RSPRY1: variants seen among roughly 807,000 people sequenced by gnomAD.
The protein encoded by RSPRY1 is ring finger and SPRY domain containing 1, also known as RING finger and SPRY domain-containing protein 1.
Under a neutral mutation model 73.1 loss-of-function variants are expected in RSPRY1, and 23 were observed. The observed-to-expected ratio is 0.31, with a 90% confidence interval of 0.23 to 0.45. The LOEUF is 0.45. Ranked by LOEUF, RSPRY1 falls within the 20% of genes least tolerant of loss-of-function variation. RSPRY1 has a pLI of 1.00. For synonymous variants in RSPRY1, 226 were observed against 251.4 expected (o/e 0.90, Z 0.95); for missense variants, 448 against 698.7 (o/e 0.64, Z 4.05).
chr16:57,202,266 C>A (rs889660421), intron 1 of RSPRY1, among the ~76,000 whole-genome samples: 1 of 152,074 alleles, frequency 6.6e-6, no homozygotes, highest in African/African-American at 2.4e-5. Flanking sequence ...TCTTAGAACT[C>A]CCAAGATGGT....
intron 14 of RSPRY1, among the ~76,000 whole-genome samples, chr16:57,236,469 A>G (rs2075301164): frequency 6.6e-6 from 1 of 152,204 alleles, no homozygotes; most frequent in Non-Finnish European, 1.5e-5. Flanking sequence ...GGATATAGGG[A>G]CAAAGAAAGG....
At chr16:57,194,922 A>C (rs1344923322) in intron 1 of RSPRY1, among the ~76,000 whole-genome samples, 1 of 152,172 alleles carries the variant, frequency 6.6e-6, no homozygotes, top group Non-Finnish European at 1.5e-5. Context: ...TGAGTACCAG[A>C]ACCTTACTGC....
intron 11 of RSPRY1, among the ~76,000 whole-genome samples, chr16:57,228,557 GAATA>G (rs1395148567): frequency 1.3e-5 from 2 of 151,920 alleles, no homozygotes; most frequent in African/African-American, 4.8e-5. Context: ...GAAAAAAAAT[GAATA>G]AACTAAAAAT....
intron 1 of RSPRY1, among the ~76,000 whole-genome samples, chr16:57,203,436 A>C (rs2074663634): frequency 6.6e-6 from 1 of 152,158 alleles, no homozygotes; most frequent in Admixed American, 6.5e-5. Context: ...GATGTTGTGT[A>C]GAGACTACAC....
At position 57,221,393 on chromosome 16, in the gene RSPRY1, G is replaced by A. The variant is rs2075033297; in HGVS notation, c.1139G>A (p.Arg380Gln). ...SGVMQIGWATRDSKFLNHEGY... is the reference protein window; with the variant it reads ...SGVMQIGWATQDSKFLNHEGY... ...GTCATGCAGATTGGCTGGGCCACTC[G>A]AGACAGCAAATTCCTCAATCATGTG... Residue 380 changes from arginine to glutamine, a missense_variant, in exon 10 of 15, where the codon CGA becomes CAA. Transcript: ENST00000394420. The A allele has an allele frequency of 1.9e-6, 3 of 1,613,728 alleles. No individual in the cohort carries two copies. The highest frequency in any genetic ancestry group is 1.7e-5 in the Admixed American group (1 of 59,940).
intron 10 of RSPRY1, among the ~76,000 whole-genome samples, chr16:57,226,199 CTG>C (rs1407292389): frequency 6.6e-6 from 1 of 152,164 alleles, no homozygotes; most frequent in East Asian, 1.9e-4. Flanking sequence ...TTTGAAATCT[CTG>C]AATATTTGGG....
chr16:57,228,921 C>T (rs2075163701), intron 11 of RSPRY1, among the ~76,000 whole-genome samples: 1 of 152,224 alleles, frequency 6.6e-6, no homozygotes, highest in Non-Finnish European at 1.5e-5. Flanking sequence ...TCTCAAACTT[C>T]TGGGCTCAAG....
chr16:57,213,203 C>A, intron 5 of RSPRY1, 105 bp downstream of exon 5: 1 of 1,133,586 alleles, frequency 8.8e-7, no homozygotes, highest in Non-Finnish European at 1.2e-6. Context: ...AAAGAAATCT[C>A]TTAAAAATGA....
rs1229151215 is a variant in RSPRY1 at position 57,238,961 on chromosome 16, T to C, written c.1717T>C (p.Ser573Pro). Residue 573 changes from serine to proline, a missense_variant, in exon 15 of 15, where the codon TCT (serine) becomes CCT (proline). Coordinates refer to ENST00000394420, the MANE Select transcript of RSPRY1 (RefSeq NM_133368.3). ...KEIVSRIRQI[S>P]HIS ...AATAGTATCTAGAATCAGACAGATT[T>C]CTCATATTTCATGACACATGTGAAG... is the stretch of plus-strand genomic sequence containing the variant. The C allele has an allele frequency of 6.3e-7, 1 of 1,595,550 alleles. No homozygotes were observed. Among genetic ancestry groups the C allele is most frequent in the South Asian group, 1.1e-5 (1 of 89,280 alleles).
chr16:57,221,810 G>C (rs2075041656), intron 10 of RSPRY1, among the ~76,000 whole-genome samples: 1 of 152,222 alleles, frequency 6.6e-6, no homozygotes, highest in Non-Finnish European at 1.5e-5. Flanking sequence ...TCAAAAAATA[G>C]AGTGTTGGCT....
intron 11 of RSPRY1, among the ~76,000 whole-genome samples, 174 bp downstream of exon 11, chr16:57,227,627 T>G (rs961509063): frequency 3.3e-5 from 5 of 152,216 alleles, no homozygotes; most frequent in Admixed American, 6.5e-5. Context: ...TAAATTTACC[T>G]CTGGTGGAGT....
chr16:57,210,027 T>TTCCCTCCCTCCC (rs3054336), intron 4 of RSPRY1, among the ~76,000 whole-genome samples: 1 of 103,354 alleles, frequency 9.7e-6, no homozygotes, highest in Non-Finnish European at 1.9e-5. Flanking sequence ...CTTTCTTTCT[T>TTCCCTCCCTCCC]TCCCTCCCTC....
At chr16:57,205,532 T>C (rs1004464369) in intron 2 of RSPRY1, among the ~76,000 whole-genome samples, 24 of 152,376 alleles carry the variant, frequency 1.6e-4, no homozygotes, top group African/African-American at 5.8e-4. Context: ...CAGTTGATAC[T>C]GCAAGGCACA....
rs1212357740 is a variant in RSPRY1 at position 57,201,825 on chromosome 16, G to A, written c.-155-2679G>A. On this transcript the variant is annotated intron_variant, in intron 1 of 14. Transcript: ENST00000394420. ...AATACGAAAACCAGTCAGGCGTGGCGGTGCGCGCCTGCAATCGCAGGCACT... is the reference window on the plus strand; with the variant it reads ...AATACGAAAACCAGTCAGGCGTGGCAGTGCGCGCCTGCAATCGCAGGCACT... Among the ~76,000 whole-genome samples, 6 of 152,238 alleles carry A rather than the reference G, an allele frequency of 3.9e-5. No homozygotes were observed. In the South Asian group the frequency reaches 6.2e-4, roughly 16 times the overall value.
intron 1 of RSPRY1, among the ~76,000 whole-genome samples, chr16:57,200,532 G>A (rs1373135444): frequency 2.0e-5 from 3 of 149,558 alleles, no homozygotes; most frequent in Non-Finnish European, 4.5e-5. Flanking sequence ...GCCGGGCGGG[G>A]GGCTGACCTC....
intron 1 of RSPRY1, among the ~76,000 whole-genome samples, chr16:57,188,788 T>A (rs2074297921): frequency 6.6e-6 from 1 of 152,136 alleles, no homozygotes. Flanking sequence ...AGTGCCGGGA[T>A]TACAGGCGTG....
chr16:57,201,556 G>A (rs1309483003), intron 1 of RSPRY1, among the ~76,000 whole-genome samples: 4 of 152,128 alleles, frequency 2.6e-5, no homozygotes. Flanking sequence ...CAGACGGGGT[G>A]GCGGCCGGGC....
At chr16:57,198,692 C>G (rs922133417) in intron 1 of RSPRY1, among the ~76,000 whole-genome samples, 7 of 152,184 alleles carry the variant, frequency 4.6e-5, no homozygotes, top group African/African-American at 1.4e-4. Context: ...ACTTGACATT[C>G]TCAAATCATT....
chr16:57,204,760 A>C lies in RSPRY1; in HGVS notation c.102A>C (p.Gly34=). ...EEHIAHFLGT[G]GAATTMGNSC... Reference sequence around the variant, plus strand: ...ACATAGCCCACTTCCTAGGGACTGGAGGTGCCGCTACTACCATGGGTAATT... The same window carrying C: ...ACATAGCCCACTTCCTAGGGACTGGCGGTGCCGCTACTACCATGGGTAATT... Residue 34 remains glycine, a synonymous_variant, in exon 2 of 15, where the codon GGA becomes GGC. Transcript: ENST00000394420. 1 of 1,614,186 alleles carries C rather than the reference A, an allele frequency of 6.2e-7. No individual in the cohort carries two copies. Among genetic ancestry groups the C allele is most frequent in the Non-Finnish European group, 8.5e-7 (1 of 1,180,032 alleles).
Sources: gnomAD v4.1 joint callset for allele counts (sites outside exome capture counted in the v4.1 genomes callset) on GRCh38, gnomAD v4.1.1 for gene constraint, MANE v1.5 for transcripts, NCBI Gene and HGNC (gene_info 2026-07-23, HGNC 2026-07-21) for gene names.